Variants in HAUS8 observed in about 807,000 individuals in gnomAD.
HAUS8 encodes HAUS augmin like complex subunit 8, also known as HAUS augmin-like complex subunit 8.
Under a neutral mutation model 42.9 loss-of-function variants are expected in HAUS8, and 38 were observed. The ratio of observed to expected loss-of-function variants is 0.89; its 90% confidence interval spans 0.68 to 1.16. The LOEUF (loss-of-function observed/expected upper bound fraction) is 1.16. Ranked by LOEUF, HAUS8 falls within the 50% of genes most tolerant of loss-of-function variation. The pLI is 0.00. For missense variants in HAUS8, 494 were observed against 511.6 expected (o/e 0.97, Z 0.33); for synonymous variants, 199 against 205.8 (o/e 0.97, Z 0.28).
chr19:17,057,984 C>T (rs943202046), intron 8 of HAUS8, among the ~76,000 whole-genome samples: 1 of 152,238 alleles, frequency 6.6e-6, no homozygotes, highest in African/African-American at 2.4e-5. Context: ...AGCCCTCAGA[C>T]AGGGCCAACC....
intron 1 of HAUS8, 184 bp downstream of exon 1, chr19:17,075,210 C>T: frequency 1.5e-6 from 1 of 648,970 alleles, no homozygotes; most frequent in Non-Finnish European, 2.7e-6. Context: ...CAGGGCCGGT[C>T]GGGTGTCAGC....
At chr19:17,069,185 T>C in intron 2 of HAUS8, 99 bp from the exon 3 acceptor site, 1 of 1,004,780 alleles carries the variant, frequency 1.0e-6, no homozygotes, top group Non-Finnish European at 1.5e-6. Context: ...CCAGGGGCCC[T>C]CTCCACTCAG....
At chr19:17,070,096 C>A (rs138344201) in intron 2 of HAUS8, among the ~76,000 whole-genome samples, 1 of 152,080 alleles carries the variant, frequency 6.6e-6, no homozygotes, top group Non-Finnish European at 1.5e-5. Flanking sequence ...CTGCCTCCCC[C>A]CATTTCTCCC....
At chr19:17,052,779 G>A in intron 10 of HAUS8, 46 bp downstream of exon 10, 1 of 1,611,200 alleles carries the variant, frequency 6.2e-7, no homozygotes, top group Middle Eastern at 1.7e-4. Context: ...CAACAGCCCT[G>A]AGCAAACAGG....
In HAUS8 at chr19:17,068,379, A is replaced by T. The variant is rs550775214; in HGVS notation, c.147+652T>A. On this transcript the variant is annotated intron_variant, in intron 3 of 10. Coordinates refer to ENST00000253669, the MANE Select transcript of HAUS8 (RefSeq NM_033417.2). ...TCCGCCCACCTCGGCCTCCCAAAGT[A>T]GCTGTTTTTAAATACCAGCCAGACA... 8.5e-5 allele frequency among the ~76,000 whole-genome samples: 13 copies of T among 152,118 alleles called. No individual in the cohort carries two copies. The South Asian group carries it at 2.7e-3, about 32-fold the overall frequency.
chr19:17,051,160 T>C (rs1306276957), intron 10 of HAUS8, among the ~76,000 whole-genome samples: 1 of 152,094 alleles, frequency 6.6e-6, no homozygotes, highest in Non-Finnish European at 1.5e-5. Flanking sequence ...GAATGAGTTA[T>C]CCTGGGAGTG....
chr19:17,060,167 T>A (rs2057351677), intron 4 of HAUS8, 75 bp from the exon 5 acceptor site: 1 of 1,034,020 alleles, frequency 9.7e-7, no homozygotes, highest in African/African-American at 1.6e-5. Context: ...ACGCAGGCCG[T>A]GTTTTTGAAC....
intron 2 of HAUS8, among the ~76,000 whole-genome samples, chr19:17,069,994 A>G (rs1177644626): frequency 6.6e-6 from 1 of 151,740 alleles, no homozygotes; most frequent in Non-Finnish European, 1.5e-5. Flanking sequence ...TCCAAAAGGA[A>G]ATGCCCCGCA....
At position 17,058,823 on chromosome 19, in the gene HAUS8, T is replaced by C; in HGVS notation, c.474A>G (p.Leu158=). 2.5e-6 allele frequency: 4 copies of C among 1,613,460 alleles called. No individual in the cohort carries two copies. The highest frequency in any genetic ancestry group is 2.5e-6 in the Non-Finnish European group (3 of 1,179,782). Residue 158 remains leucine (L), a synonymous_variant, in exon 7 of 11, where the codon CTA becomes CTG. Coordinates refer to ENST00000253669, the MANE Select transcript of HAUS8 (RefSeq NM_033417.2). The part of the protein sequence containing the change: ...MMESQTLLLT[L]LSVKMENNLA... ...AAACTGTTTTCACCTTTACGGATAG[T>C]AGCGTCAGCAGTAGTGTCTGAGACT...
intron 3 of HAUS8, among the ~76,000 whole-genome samples, chr19:17,066,875 G>A (rs1050756781): frequency 9.2e-5 from 14 of 152,150 alleles, no homozygotes; most frequent in African/African-American, 2.7e-4. Flanking sequence ...TGAACACAAC[G>A]TGGTCCATCC....
At chr19:17,073,991 C>T (rs1039784390) in intron 1 of HAUS8, 2 of 150,870 alleles carry the variant, frequency 1.3e-5, no homozygotes, top group African/African-American at 4.9e-5. Flanking sequence ...GACAGTGAGA[C>T]TCCGTCTCAA....
At chr19:17,059,297 A>C (rs946485878) in intron 6 of HAUS8, among the ~76,000 whole-genome samples, 6 of 152,234 alleles carry the variant, frequency 3.9e-5, no homozygotes, top group Admixed American at 2.0e-4. Flanking sequence ...TGCCTTTCCC[A>C]GCACAGCATG....
chr19:17,075,118 T>C (rs11665800), intron 1 of HAUS8: 1 of 526,282 alleles, frequency 1.9e-6, no homozygotes, highest in Non-Finnish European at 3.4e-6. Context: ...CGGCCCCATT[T>C]CGTAGCGGAG....
intron 10 of HAUS8, 83 bp from the exon 11 acceptor site, chr19:17,050,259 G>T: frequency 9.2e-7 from 1 of 1,087,286 alleles, no homozygotes; most frequent in Non-Finnish European, 1.2e-6. Flanking sequence ...GCTGCCACAC[G>T]GGGAGGCGGA....
chr19:17,068,850 C>T (rs1314896548), intron 3 of HAUS8, among the ~76,000 whole-genome samples, 181 bp downstream of exon 3: 2 of 152,122 alleles, frequency 1.3e-5, no homozygotes, highest in South Asian at 2.1e-4. Flanking sequence ...CATGAGCCGT[C>T]GATGACAGAC....
At chr19:17,055,114 GAAAAAAAAAAAAAAAA>G (rs1175327637) in intron 9 of HAUS8, 2 of 4,722 alleles carry the variant, frequency 4.2e-4, no homozygotes, top group African/African-American at 6.9e-4. Context: ...CGTCTCTACA[GAAAAAAAAAAAAAAAA>G]AAAAAAAAAA....
intron 1 of HAUS8, chr19:17,074,402 A>G (rs1013437285): frequency 6.6e-6 from 1 of 152,386 alleles, no homozygotes; most frequent in African/African-American, 2.4e-5. Context: ...AACTTAGCAA[A>G]TGTTCGCCAG....
chr19:17,055,813 C>T (rs1025185212), intron 9 of HAUS8, 48 bp downstream of exon 9: 1 of 1,565,190 alleles, frequency 6.4e-7, no homozygotes, highest in African/African-American at 1.4e-5. Context: ...CCCACACACG[C>T]TCCTCGCCCC....
chr19:17,062,276 C>T (rs1021194892), intron 4 of HAUS8, among the ~76,000 whole-genome samples: 2 of 152,158 alleles, frequency 1.3e-5, no homozygotes, highest in Admixed American at 6.5e-5. Flanking sequence ...GGATTATAGG[C>T]GTGTGCCATC....
Sources: allele counts gnomAD v4.1 joint callset (sites outside exome capture counted in the v4.1 genomes callset), GRCh38; gene constraint gnomAD v4.1.1; transcripts MANE v1.5; gene names NCBI Gene and HGNC (gene_info 2026-07-23, HGNC 2026-07-21).